Variants in SMARCAD1 observed in about 807,000 individuals in gnomAD.
SMARCAD1 encodes the protein SWI/SNF-related matrix-associated actin-dependent regulator of chromatin subfamily A containing DEAD/H box 1.
In SMARCAD1, 25 loss-of-function variants were observed where a neutral mutation model predicts 127.1. The observed-to-expected ratio is 0.20, with a 90% confidence interval of 0.14 to 0.27. The LOEUF (loss-of-function observed/expected upper bound fraction) is 0.27, where lower values mean the gene tolerates loss of function less well. SMARCAD1 is among the 10% of genes least tolerant of loss of function. The pLI is 1.00. For synonymous variants in SMARCAD1, 400 were observed against 396.9 expected, an observed-to-expected ratio of 1.01 and a Z score of -0.09; for missense variants, 807 against 1,206.0, an observed-to-expected ratio of 0.67 and a Z score of 4.90.
intron 5 of SMARCAD1, among the ~76,000 whole-genome samples, chr4:94,238,435 A>G (rs1237349563): frequency 1.3e-5 from 2 of 152,292 alleles, no homozygotes; most frequent in Admixed American, 1.3e-4. Context: ...TAGTGAGTGC[A>G]TACCAAATGT....
At chr4:94,235,848 A>G (rs1746574943) in intron 4 of SMARCAD1, among the ~76,000 whole-genome samples, 1 of 152,030 alleles carries the variant, frequency 6.6e-6, no homozygotes, top group Admixed American at 6.6e-5. Context: ...AAATCTTTCT[A>G]ATTTTGTAAT....
chr4:94,218,281 GTTTTA>G (rs974919426), intron 2 of SMARCAD1, among the ~76,000 whole-genome samples: 18 of 151,518 alleles, frequency 1.2e-4, no homozygotes, highest in South Asian at 2.1e-4. Flanking sequence ...TTAATTAATT[GTTTTA>G]TTTTATTTTT....
At chr4:94,215,004 T>TA (rs1269140487) in intron 2 of SMARCAD1, among the ~76,000 whole-genome samples, 1 of 152,192 alleles carries the variant, frequency 6.6e-6, no homozygotes, top group Admixed American at 6.5e-5. Flanking sequence ...GTTTGGGTCT[T>TA]ACAGTCTTCT....
At chr4:94,269,075 A>C (rs1013868011) in intron 10 of SMARCAD1, among the ~76,000 whole-genome samples, 2 of 152,202 alleles carry the variant, frequency 1.3e-5, no homozygotes, top group African/African-American at 4.8e-5. Context: ...TAAAAGGCAG[A>C]ATTAGAAATA....
At chr4:94,230,667 A>G (rs866100048) in intron 3 of SMARCAD1, among the ~76,000 whole-genome samples, 1 of 152,168 alleles carries the variant, frequency 6.6e-6, no homozygotes, top group Non-Finnish European at 1.5e-5. Flanking sequence ...ACATTGCCAA[A>G]TATCCCCTTG....
chr4:94,263,013 G>A (rs1282531466), intron 9 of SMARCAD1, among the ~76,000 whole-genome samples: 1 of 151,828 alleles, frequency 6.6e-6, no homozygotes, highest in Non-Finnish European at 1.5e-5. Flanking sequence ...ACAGTGAAAA[G>A]GGCATGGAAT....
chr4:94,262,900 A>AG (rs1166948528), intron 9 of SMARCAD1, among the ~76,000 whole-genome samples: 5 of 97,332 alleles, frequency 5.1e-5, no homozygotes, highest in African/African-American at 1.6e-4. Flanking sequence ...AAAAAAAAAA[A>AG]AAAAAAAGAA....
At position 94,290,754 on chromosome 4, in the gene SMARCAD1, T is replaced by C. The variant is rs1489467594; in HGVS notation, c.*1220T>C. On this transcript the variant is annotated 3_prime_UTR_variant, in exon 24 of 24. Coordinates refer to ENST00000354268, the MANE Select transcript of SMARCAD1 (RefSeq NM_020159.5). ...TATACATCAGTTTCTTTGTATAACT[T>C]GTGAGTTCCATGTGTTTTGTTTTTA... 2.3e-6 allele frequency: 1 copy of C among 429,294 alleles called. No homozygotes were observed. The highest frequency in any genetic ancestry group is 4.6e-6 in the Non-Finnish European group (1 of 217,964). The allele number at this position is 429,294 out of a possible 1,614,324, so 26.6% of individuals were successfully genotyped here.
chr4:94,234,219 C>T, intron 4 of SMARCAD1, 97 bp downstream of exon 4: 1 of 1,126,606 alleles, frequency 8.9e-7, no homozygotes, highest in Non-Finnish European at 1.3e-6. Flanking sequence ...CTAAAGATAT[C>T]TTACGTTTGA....
intron 10 of SMARCAD1, among the ~76,000 whole-genome samples, chr4:94,269,097 C>T (rs1366763964): frequency 6.6e-6 from 1 of 152,136 alleles, no homozygotes; most frequent in Non-Finnish European, 1.5e-5. Flanking sequence ...TGCTTTTTCT[C>T]CTACCTATAC....
intron 4 of SMARCAD1, among the ~76,000 whole-genome samples, chr4:94,234,869 C>G (rs1002222806): frequency 6.6e-6 from 1 of 152,156 alleles, no homozygotes; most frequent in South Asian, 2.1e-4. Context: ...TCTGTATGGA[C>G]TAGGCAGGTA....
chr4:94,218,995 AG>A (rs1743655153), intron 2 of SMARCAD1, among the ~76,000 whole-genome samples: 1 of 151,492 alleles, frequency 6.6e-6, no homozygotes, highest in Non-Finnish European at 1.5e-5. Context: ...TGTTTTTAGT[AG>A]GGACAGGGTT....
intron 14 of SMARCAD1, among the ~76,000 whole-genome samples, chr4:94,276,032 C>A (rs1288215142): frequency 6.6e-6 from 1 of 151,960 alleles, no homozygotes; most frequent in Non-Finnish European, 1.5e-5. Context: ...CTTCTGACCT[C>A]GTGATCCGCC....
intron 9 of SMARCAD1, among the ~76,000 whole-genome samples, chr4:94,262,935 A>AG (rs1751232996): frequency 8.3e-6 from 1 of 120,990 alleles, no homozygotes; most frequent in Admixed American, 9.1e-5. Context: ...AGTTGGTTAC[A>AG]GAAAAAAAAA....
intron 6 of SMARCAD1, among the ~76,000 whole-genome samples, chr4:94,247,412 G>A (rs1156294229): frequency 1.3e-5 from 2 of 152,154 alleles, no homozygotes; most frequent in African/African-American, 4.8e-5. Context: ...AGCAGAGCTG[G>A]CATAAGTGTG....
At chr4:94,275,451 A>G (rs1753118893) in intron 14 of SMARCAD1, among the ~76,000 whole-genome samples, 1 of 152,166 alleles carries the variant, frequency 6.6e-6, no homozygotes, top group Non-Finnish European at 1.5e-5. Context: ...GTGTTACATT[A>G]GTTGATTTAT....
intron 9 of SMARCAD1, among the ~76,000 whole-genome samples, chr4:94,260,284 G>A (rs1750764857): frequency 1.3e-5 from 2 of 152,138 alleles, no homozygotes; most frequent in Non-Finnish European, 2.9e-5. Flanking sequence ...ATTAGCATCT[G>A]TTGATGCTAC....
At chr4:94,274,855 T>G in intron 13 of SMARCAD1, 35 bp from the exon 14 acceptor site, 1 of 1,603,414 alleles carries the variant, frequency 6.2e-7, no homozygotes, top group Middle Eastern at 1.7e-4. Context: ...TACAGCACAA[T>G]AAATAGTCAT....
chr4:94,239,518 G>A (rs981273118), intron 5 of SMARCAD1, among the ~76,000 whole-genome samples: 1 of 150,018 alleles, frequency 6.7e-6, no homozygotes, highest in South Asian at 2.1e-4. Flanking sequence ...ATAAGAGTAC[G>A]AATTTATTGA....
Sources: gnomAD v4.1 joint callset for allele counts (sites outside exome capture counted in the v4.1 genomes callset) on GRCh38, gnomAD v4.1.1 for gene constraint, MANE v1.5 for transcripts, NCBI Gene and HGNC (gene_info 2026-07-23, HGNC 2026-07-21) for gene names.